CCNY: variants seen among roughly 807,000 people sequenced by gnomAD.
CCNY encodes cyclin-Y.
A neutral mutation model predicts 42.8 loss-of-function variants in CCNY; 19 were observed. That is an observed-to-expected ratio of 0.44 (90% CI 0.31 to 0.65). CCNY has a LOEUF of 0.65. Ranked by LOEUF, CCNY falls within the 30% of genes least tolerant of loss-of-function variation. CCNY has a pLI of 0.07. For synonymous variants in CCNY, 165 were observed against 162.7 expected, an observed-to-expected ratio of 1.01 and a Z score of -0.11; for missense variants, 370 against 437.3, an observed-to-expected ratio of 0.85 and a Z score of 1.37.
At chr10:35,552,131 G>T (rs1841271372) in intron 7 of CCNY, among the ~76,000 whole-genome samples, 1 of 152,208 alleles carries the variant, frequency 6.6e-6, no homozygotes, top group African/African-American at 2.4e-5. Flanking sequence ...AATGTTCATT[G>T]ACAGAAGAAT....
chr10:35,495,701 C>G (rs1245846898), intron 2 of CCNY, among the ~76,000 whole-genome samples: 8 of 152,110 alleles, frequency 5.3e-5, no homozygotes, highest in Admixed American at 4.6e-4. Context: ...GGAGGTGTGC[C>G]TTGGGGGGAA....
rs1423627282 is a variant in CCNY at position 35,569,778 on chromosome 10, C to T, written c.*608C>T. 1 of 154,014 alleles carries T rather than the reference C, an allele frequency of 6.5e-6. No individual in the cohort carries two copies. The highest frequency in any genetic ancestry group is 2.4e-5 in the African/African-American group (1 of 41,442). The allele number at this position is 154,014 out of a possible 1,614,324, so 9.5% of individuals were successfully genotyped here. A position where few individuals can be genotyped will look rare whatever the true frequency, so the allele number is the denominator to read the frequency against. ...GCTGTCTTCTGAGCTTTCTTCCTCA[C>T]CAGTGGGCTGTGCTTGTTCCATTTC... On this transcript the variant is annotated 3_prime_UTR_variant, in exon 10 of 10. Coordinates refer to ENST00000374704, the MANE Select transcript of CCNY (RefSeq NM_145012.6).
At chr10:35,437,188 T>C (rs988273763) in intron 1 of CCNY, among the ~76,000 whole-genome samples, 5 of 152,170 alleles carry the variant, frequency 3.3e-5, no homozygotes, top group African/African-American at 1.2e-4. Context: ...AGGTGAAATT[T>C]GGGTGGGGAC....
chr10:35,410,307 G>A (rs1837875793), intron 1 of CCNY, among the ~76,000 whole-genome samples: 1 of 152,044 alleles, frequency 6.6e-6, no homozygotes, highest in African/African-American at 2.4e-5. Context: ...TGAACAATTT[G>A]GTTTTCTCCA....
chr10:35,325,157 G>C (rs1324381309), intron 3 of CCNY, among the ~76,000 whole-genome samples: 1 of 152,000 alleles, frequency 6.6e-6, no homozygotes, highest in Non-Finnish European at 1.5e-5. Context: ...TAATTATATT[G>C]GTAATGACTC....
chr10:35,258,923 G>A (rs1334819334), intron 3 of CCNY, among the ~76,000 whole-genome samples: 1 of 142,464 alleles, frequency 7.0e-6, no homozygotes, highest in Non-Finnish European at 1.5e-5. Flanking sequence ...GTGACAGAGA[G>A]AGACTGTCTT....
At chr10:35,469,561 TGGAGAGATGGACAGACA>T (rs1195427277) in intron 1 of CCNY, among the ~76,000 whole-genome samples, 1 of 137,714 alleles carries the variant, frequency 7.3e-6, no homozygotes. Context: ...GAACGGGAGA[TGGAGAGATGGACAGACA>T]GGGAGATGGA....
At chr10:35,330,905 C>T (rs1451822002) in intron 3 of CCNY, among the ~76,000 whole-genome samples, 2 of 152,058 alleles carry the variant, frequency 1.3e-5, no homozygotes, top group South Asian at 2.1e-4. Flanking sequence ...TACAGGCATG[C>T]GGCACGGCCA....
chr10:35,264,565 A>G (rs1344170456), intron 3 of CCNY, among the ~76,000 whole-genome samples: 1 of 152,102 alleles, frequency 6.6e-6, no homozygotes, highest in Non-Finnish European at 1.5e-5. Context: ...TCTAATGATC[A>G]GTATTGTTGA....
chr10:35,272,225 G>A (rs949961799), intron 3 of CCNY, among the ~76,000 whole-genome samples: 1 of 151,848 alleles, frequency 6.6e-6, no homozygotes, highest in African/African-American at 2.4e-5. Flanking sequence ...GACCTCAGGT[G>A]ATCTGCCTGC....
chr10:35,261,301 G>A (rs149194760), intron 3 of CCNY, among the ~76,000 whole-genome samples: 1,530 of 149,966 alleles, frequency 0.01, 27 homozygotes, highest in African/African-American at 0.036. Context: ...AGCCTGGTGC[G>A]ATCTCAGCTC....
chr10:35,489,022 G>A (rs1004082576), intron 2 of CCNY, among the ~76,000 whole-genome samples: 1 of 152,180 alleles, frequency 6.6e-6, no homozygotes, highest in African/African-American at 2.4e-5. Flanking sequence ...GCTCACGCCT[G>A]TAATCCCAGC....
intron 1 of CCNY, among the ~76,000 whole-genome samples, chr10:35,445,541 A>G (rs1182452809): frequency 6.6e-6 from 1 of 152,188 alleles, no homozygotes; most frequent in Non-Finnish European, 1.5e-5. Flanking sequence ...GGAAGTAGGA[A>G]GTCATTGATG....
At chr10:35,332,451 G>C (rs1835956735), upstream of CCNY, 1 of 152,144 alleles carries the variant, frequency 6.6e-6, no homozygotes. Context: ...GACTATTCTT[G>C]ATTGTTTTTA....
At chr10:35,318,558 G>A (rs1362826179) in intron 3 of CCNY, among the ~76,000 whole-genome samples, 2 of 152,074 alleles carry the variant, frequency 1.3e-5, no homozygotes, top group Non-Finnish European at 2.9e-5. Flanking sequence ...GCTACTTTAT[G>A]CTCCTGTATT....
At chr10:35,490,893 C>T (rs1839881712) in intron 2 of CCNY, among the ~76,000 whole-genome samples, 1 of 152,226 alleles carries the variant, frequency 6.6e-6, no homozygotes, top group South Asian at 2.1e-4. Flanking sequence ...GTTCCTGCAT[C>T]ACACCTCAGC....
rs111437817 is a variant in CCNY, at chr10:35,384,123, A to C, written c.154+46916A>C. ...TTCCTTCCCCTTCATATTTTAGCAGAATAGCTATATAAACCCAAAAGTATT... is the reference window on the plus strand; with the variant it reads ...TTCCTTCCCCTTCATATTTTAGCAGCATAGCTATATAAACCCAAAAGTATT... On this transcript the variant is annotated intron_variant, in intron 1 of 9. Transcript: ENST00000374704. Among the ~76,000 whole-genome samples, 513 of 152,352 alleles carry C rather than the reference A, an allele frequency of 3.4e-3. 4 individuals are homozygous for C. The highest frequency in any genetic ancestry group is 0.012 in the African/African-American group (483 of 41,578).
chr10:35,477,540 G>A (rs11595773), intron 1 of CCNY, among the ~76,000 whole-genome samples: 41,331 of 150,520 alleles, frequency 0.27, 5,970 homozygotes, highest in East Asian at 0.34. Flanking sequence ...CAAAAACCAC[G>A]TGATTATCTC....
rs972191662 is a variant in CCNY at position 35,514,318 on chromosome 10, G to A, written c.265-2205G>A. On this transcript the variant is annotated intron_variant, in intron 3 of 9. Coordinates refer to ENST00000374704, the MANE Select transcript of CCNY (RefSeq NM_145012.6). The stretch of plus-strand genomic sequence containing the variant: ...ATACTTGGGATCTTTATTCAGTTTC[G>A]AAGTTATTAAATAGTTTAAAAGCTG... 5.9e-5 allele frequency among the ~76,000 whole-genome samples: 9 copies of A among 152,220 alleles called. No individual in the cohort carries two copies. The East Asian group carries it at 9.7e-4, about 16-fold the overall frequency.
Sources: gnomAD v4.1 joint callset for allele counts (sites outside exome capture counted in the v4.1 genomes callset) on GRCh38, gnomAD v4.1.1 for gene constraint, MANE v1.5 for transcripts, NCBI Gene and HGNC (gene_info 2026-07-23, HGNC 2026-07-21) for gene names.